FHIT: variants seen among roughly 807,000 people sequenced by gnomAD.
The protein encoded by FHIT is bis(5'-adenosyl)-triphosphatase.
FHIT carries 19 observed loss-of-function variants against 17.9 expected under a neutral mutation model. The observed-to-expected ratio is 1.06, with a 90% CI of 0.74 to 1.56. The LOEUF (loss-of-function observed/expected upper bound fraction) is 1.56. FHIT is among the 40% of genes most tolerant of loss of function. The pLI is 0.00. For synonymous variants in FHIT, 81 were observed against 69.7 expected, an observed-to-expected ratio of 1.16 and a Z score of -0.81; for missense variants, 248 against 189.2, an observed-to-expected ratio of 1.31 and a Z score of -1.82.
At chr3:60,637,275 G>A (rs1000510152) in intron 4 of FHIT, among the ~76,000 whole-genome samples, 1 of 152,134 alleles carries the variant, frequency 6.6e-6, no homozygotes, top group African/African-American at 2.4e-5. Context: ...AATTTTAGTA[G>A]AAGTTAGAGA....
In FHIT at chr3:60,621,538, A is replaced by T. The variant is rs73836673; in HGVS notation, c.-17-84559T>A. On this transcript the variant is annotated intron_variant, in intron 4 of 9. Coordinates refer to ENST00000492590, the MANE Select transcript of FHIT (RefSeq NM_002012.4). ...AACATTTTATAAATATCATTCTGAA[A>T]TTTGGACAGTTCCTTAAAGCAACTA... 2.7e-3 allele frequency among the ~76,000 whole-genome samples: 410 copies of T among 152,020 alleles called. 3 individuals are homozygous for T. Among genetic ancestry groups the T allele is most frequent in the African/African-American group, 9.6e-3 (399 of 41,502 alleles).
At chr3:60,149,539 G>C (rs925980611) in intron 5 of FHIT, among the ~76,000 whole-genome samples, 2 of 152,038 alleles carry the variant, frequency 1.3e-5, no homozygotes, top group African/African-American at 4.8e-5. Context: ...GGAGCTCCAT[G>C]GTATCTGGAA....
rs141573970 is a variant in FHIT at position 60,444,811 on chromosome 3, T to C, written c.103+92049A>G. Reference sequence around the variant, plus strand: ...TATACATATGTAACAAACCCGCACATTGTGCACATGTACCCTAGAACTTAA... The same window carrying C: ...TATACATATGTAACAAACCCGCACACTGTGCACATGTACCCTAGAACTTAA... On this transcript the variant is annotated intron_variant, in intron 5 of 9. Coordinates refer to ENST00000492590, the MANE Select transcript of FHIT (RefSeq NM_002012.4). Among the ~76,000 whole-genome samples, 814 of 151,816 alleles carry C rather than the reference T, an allele frequency of 5.4e-3. 9 individuals are homozygous for C. The highest frequency in any genetic ancestry group is 0.019 in the African/African-American group (782 of 41,350).
At chr3:60,414,253 C>T (rs1702166401) in intron 5 of FHIT, among the ~76,000 whole-genome samples, 1 of 152,178 alleles carries the variant, frequency 6.6e-6, no homozygotes, top group Non-Finnish European at 1.5e-5. Flanking sequence ...TGGAGTCAGG[C>T]AGATAACTTG....
intron 8 of FHIT, among the ~76,000 whole-genome samples, chr3:59,910,680 CA>C (rs1487867454): frequency 6.6e-6 from 1 of 152,062 alleles, no homozygotes; most frequent in Non-Finnish European, 1.5e-5. Flanking sequence ...AAAACAACAA[CA>C]ACAAACAAAA....
intron 8 of FHIT, among the ~76,000 whole-genome samples, chr3:59,909,127 G>A (rs1033123021): frequency 7.2e-5 from 11 of 151,950 alleles, no homozygotes; most frequent in African/African-American, 2.2e-4. Flanking sequence ...TCCACCTGCC[G>A]TGTTCAAACA....
chr3:60,824,036 A>C (rs1306863657), intron 3 of FHIT, among the ~76,000 whole-genome samples: 1 of 152,186 alleles, frequency 6.6e-6, no homozygotes, highest in African/African-American at 2.4e-5. Context: ...GCTAGACCTT[A>C]TGGGCCACTC....
intron 5 of FHIT, among the ~76,000 whole-genome samples, chr3:60,057,612 T>C (rs1226898644): frequency 1.3e-5 from 2 of 152,284 alleles, no homozygotes; most frequent in East Asian, 3.9e-4. Flanking sequence ...ACGTAGAAAT[T>C]GACCTTTGTG....
At chr3:60,493,179 G>T (rs931717612) in intron 5 of FHIT, among the ~76,000 whole-genome samples, 2 of 152,026 alleles carry the variant, frequency 1.3e-5, no homozygotes, top group African/African-American at 4.8e-5. Flanking sequence ...TTGGGTAAAG[G>T]GCACAACATG....
chr3:59,979,291 T>C (rs1033645831), intron 7 of FHIT, among the ~76,000 whole-genome samples: 3 of 152,128 alleles, frequency 2.0e-5, no homozygotes, highest in African/African-American at 7.2e-5. Context: ...GTTTGTACAG[T>C]TAGTGCATTT....
intron 2 of FHIT, among the ~76,000 whole-genome samples, chr3:61,132,555 A>G (rs575896988): frequency 1.2e-4 from 18 of 152,310 alleles, no homozygotes; most frequent in Admixed American, 3.9e-4. Flanking sequence ...GGAGTGAGGG[A>G]ATGCCTTATG....
intron 5 of FHIT, among the ~76,000 whole-genome samples, chr3:60,179,167 A>C (rs1701812434): frequency 6.6e-6 from 1 of 152,176 alleles, no homozygotes; most frequent in Admixed American, 6.5e-5. Flanking sequence ...CATTAGGCGC[A>C]TTTCAGTCTC....
intron 5 of FHIT, among the ~76,000 whole-genome samples, chr3:60,429,706 G>C (rs920700127): frequency 2.0e-5 from 3 of 152,000 alleles, no homozygotes; most frequent in African/African-American, 4.8e-5. Context: ...ATAAAGAAGA[G>C]AGAATAAAAG....
chr3:60,840,572 C>G (rs782027923), intron 3 of FHIT, among the ~76,000 whole-genome samples: 15 of 152,184 alleles, frequency 9.9e-5, no homozygotes, highest in Non-Finnish European at 2.2e-4. Context: ...CACAAGCCAA[C>G]CTGGGAATCT....
chr3:59,772,241 T>G lies in FHIT; in HGVS notation c.349-19920A>C, dbSNP rs1374543365. On this transcript the variant is annotated intron_variant, in intron 8 of 9. Coordinates refer to ENST00000492590, the MANE Select transcript of FHIT (RefSeq NM_002012.4). Reference sequence around the variant, plus strand: ...GAATTTGAAGTTAGAAGACCTGGACTTGAGCTCTATCACTCCCTCTGGGTC... The same window carrying G: ...GAATTTGAAGTTAGAAGACCTGGACGTGAGCTCTATCACTCCCTCTGGGTC... Among the ~76,000 whole-genome samples, 4 of 152,354 alleles carry G rather than the reference T, an allele frequency of 2.6e-5. No homozygotes were observed. In the East Asian group the frequency reaches 7.7e-4, roughly 29 times the overall value.
chr3:60,716,839 T>C (rs141042442), intron 4 of FHIT, among the ~76,000 whole-genome samples: 226 of 152,312 alleles, frequency 1.5e-3, no homozygotes, highest in Middle Eastern at 3.4e-3. Flanking sequence ...ACAATGTCAC[T>C]AGGCAATAGG....
intron 7 of FHIT, among the ~76,000 whole-genome samples, chr3:59,927,889 G>A (rs1192292201): frequency 3.3e-5 from 5 of 152,202 alleles, no homozygotes; most frequent in Admixed American, 6.5e-5. Flanking sequence ...CCTCTTCTGC[G>A]CTGTCTCTGC....
intron 2 of FHIT, among the ~76,000 whole-genome samples, chr3:61,100,189 T>A (rs984749246): frequency 7.9e-5 from 12 of 152,108 alleles, no homozygotes; most frequent in Non-Finnish European, 1.5e-5. Flanking sequence ...TAGGTATTTC[T>A]CCTAATGCTA....
At chr3:60,285,003 T>A (rs186278846) in intron 5 of FHIT, among the ~76,000 whole-genome samples, 1 of 152,128 alleles carries the variant, frequency 6.6e-6, no homozygotes, top group Admixed American at 6.5e-5. Context: ...CCACTGAAGT[T>A]TATGGTTTAA....
Sources: gnomAD v4.1 joint callset for allele counts (sites outside exome capture counted in the v4.1 genomes callset) on GRCh38, gnomAD v4.1.1 for gene constraint, MANE v1.5 for transcripts, NCBI Gene and HGNC (gene_info 2026-07-23, HGNC 2026-07-21) for gene names.